The following CDH18 variants were observed in gnomAD, a reference collection of about 807,000 sequenced individuals.
The protein encoded by CDH18 is cadherin-18.
Under a neutral mutation model 67.9 loss-of-function variants are expected in CDH18, and 31 were observed. The observed-to-expected ratio is 0.46, with a 90% CI of 0.34 to 0.62. CDH18 has a LOEUF of 0.62. CDH18 is among the 20% of genes least tolerant of loss of function. The pLI is 0.01. For synonymous variants in CDH18, 362 were observed against 347.2 expected (o/e 1.04, Z -0.48); for missense variants, 890 against 975.5 (o/e 0.91, Z 1.17).
chr5:20,557,338 A>G (rs565961647), intron 1 of CDH18, among the ~76,000 whole-genome samples: 11 of 152,280 alleles, frequency 7.2e-5, no homozygotes, highest in South Asian at 4.1e-4. Context: ...ATTTATATCA[A>G]TATGGTTACA....
At chr5:19,513,515 C>T (rs1449772214) in intron 10 of CDH18, among the ~76,000 whole-genome samples, 1 of 152,052 alleles carries the variant, frequency 6.6e-6, no homozygotes, top group Non-Finnish European at 1.5e-5. Context: ...TTTCAAATAA[C>T]TAAGCTGTGA....
At chr5:20,475,872 G>A (rs145546911) in intron 1 of CDH18, among the ~76,000 whole-genome samples, 7 of 152,132 alleles carry the variant, frequency 4.6e-5, no homozygotes, top group African/African-American at 1.7e-4. Context: ...GCATAAAAAT[G>A]GAAAGGTTTG....
Position 19,659,906 on chromosome 5 carries a change from A to G in CDH18, c.644-47305T>C, listed in dbSNP as rs571408434. 2.8e-3 allele frequency among the ~76,000 whole-genome samples: 431 copies of G among 152,240 alleles called. 1 individual carries two copies. The highest frequency in any genetic ancestry group is 4.8e-3 in the Non-Finnish European group (329 of 68,010). On this transcript the variant is annotated intron_variant, in intron 5 of 12. Coordinates refer to ENST00000382275, the MANE Select transcript of CDH18 (RefSeq NM_004934.5). ...GTTATAGCAGCACAAATGCACTACG[A>G]CAAATATGATACTAGTTCTTTAGCA...
intron 6 of CDH18, among the ~76,000 whole-genome samples, chr5:19,608,355 T>G (rs544857478): frequency 1.3e-5 from 2 of 151,718 alleles, no homozygotes; most frequent in Non-Finnish European, 3.0e-5. Context: ...TCTTTGATAA[T>G]TAAAAAAAAT....
At chr5:19,798,604 G>A (rs1777098534) in intron 3 of CDH18, among the ~76,000 whole-genome samples, 1 of 151,616 alleles carries the variant, frequency 6.6e-6, no homozygotes, top group Non-Finnish European at 1.5e-5. Flanking sequence ...ACAAGTTTTA[G>A]AAAAAAATCT....
chr5:19,561,543 T>C (rs1739452744), intron 8 of CDH18, among the ~76,000 whole-genome samples: 1 of 152,128 alleles, frequency 6.6e-6, no homozygotes, highest in African/African-American at 2.4e-5. Context: ...ACACTACACA[T>C]TGGGTTCAGT....
intron 2 of CDH18, among the ~76,000 whole-genome samples, chr5:20,015,996 T>C (rs1290796955): frequency 6.6e-6 from 1 of 152,136 alleles, no homozygotes; most frequent in Non-Finnish European, 1.5e-5. Context: ...TGTTCTACCA[T>C]AAAGACACTT....
chr5:19,546,689 C>A (rs1338424769), intron 8 of CDH18, among the ~76,000 whole-genome samples: 2 of 152,112 alleles, frequency 1.3e-5, no homozygotes, highest in Non-Finnish European at 2.9e-5. Context: ...GTATGCAGAG[C>A]ATATTGCTAA....
At chr5:19,752,136 G>T (rs946926710) in intron 3 of CDH18, among the ~76,000 whole-genome samples, 29 of 152,150 alleles carry the variant, frequency 1.9e-4, no homozygotes, top group African/African-American at 6.8e-4. Flanking sequence ...AATTTAGAAA[G>T]CCAAGCAAAA....
chr5:19,553,364 A>C (rs1468194942), intron 8 of CDH18, among the ~76,000 whole-genome samples: 1 of 151,952 alleles, frequency 6.6e-6, no homozygotes. Context: ...ATATCATCTG[A>C]CCTGCACGTT....
chr5:20,008,695 A>G (rs1737139678), intron 2 of CDH18, among the ~76,000 whole-genome samples: 2 of 152,172 alleles, frequency 1.3e-5, no homozygotes, highest in Admixed American at 6.5e-5. Flanking sequence ...GATAGTGCAG[A>G]TTAAACACAA....
intron 2 of CDH18, among the ~76,000 whole-genome samples, chr5:19,967,217 C>T (rs965772034): frequency 3.3e-5 from 5 of 151,638 alleles, no homozygotes; most frequent in African/African-American, 1.2e-4. Context: ...CAGAAATTTG[C>T]ATCTAAAGGA....
chr5:19,762,400 A>C (rs1025614433), intron 3 of CDH18, among the ~76,000 whole-genome samples: 1 of 152,184 alleles, frequency 6.6e-6, no homozygotes, highest in Non-Finnish European at 1.5e-5. Flanking sequence ...TTACAAGAAA[A>C]AAATCAAACA....
chr5:20,197,991 GCTTC>G (rs1272602532), intron 2 of CDH18, among the ~76,000 whole-genome samples: 5 of 152,052 alleles, frequency 3.3e-5, no homozygotes, highest in Non-Finnish European at 7.4e-5. Context: ...TTTACAAAGG[GCTTC>G]CCCCTTAAGT....
intron 1 of CDH18, among the ~76,000 whole-genome samples, chr5:20,568,218 G>T (rs1016555192): frequency 6.6e-6 from 1 of 152,138 alleles, no homozygotes; most frequent in Admixed American, 6.6e-5. Context: ...TAAAGAAAAT[G>T]AACTTGAGAG....
intron 5 of CDH18, among the ~76,000 whole-genome samples, chr5:19,715,815 CTTTT>C (rs35593653): frequency 6.7e-5 from 8 of 119,372 alleles, no homozygotes; most frequent in Admixed American, 1.7e-4. Context: ...TTGTCGATCT[CTTTT>C]TTTTTTTTTT....
chr5:20,056,547 T>C (rs1214042059), intron 2 of CDH18, among the ~76,000 whole-genome samples: 1 of 139,602 alleles, frequency 7.2e-6, no homozygotes, highest in Non-Finnish European at 1.5e-5. Context: ...TCTATGTAAA[T>C]GTGATATTAA....
intron 4 of CDH18, among the ~76,000 whole-genome samples, chr5:19,729,679 A>G (rs1581095598): frequency 1.3e-5 from 2 of 152,316 alleles, no homozygotes. Flanking sequence ...TCCAGGAACT[A>G]ACAACACTGT....
At chr5:20,510,819 T>C (rs1407087995) in intron 1 of CDH18, among the ~76,000 whole-genome samples, 1 of 152,142 alleles carries the variant, frequency 6.6e-6, no homozygotes, top group African/African-American at 2.4e-5. Flanking sequence ...CAATTGAAAG[T>C]GTTAATGCAA....
Sources: gnomAD v4.1 joint callset for allele counts (sites outside exome capture counted in the v4.1 genomes callset) on GRCh38, gnomAD v4.1.1 for gene constraint, MANE v1.5 for transcripts, NCBI Gene and HGNC (gene_info 2026-07-23, HGNC 2026-07-21) for gene names.